Variants in MECOM observed in about 807,000 individuals in gnomAD.
MECOM encodes the protein MDS1 and EVI1 complex locus, also known as histone-lysine N-methyltransferase MECOM.
A neutral mutation model predicts 116.3 loss-of-function variants in MECOM; 13 were observed. The ratio of observed to expected loss-of-function variants is 0.11; its 90% CI spans 0.07 to 0.18. The LOEUF (loss-of-function observed/expected upper bound fraction) is 0.18, where lower values mean the gene tolerates loss of function less well. Among genes scored for constraint, MECOM ranks in the 10% least tolerant of loss-of-function variants. MECOM has a pLI of 1.00. For synonymous variants in MECOM, 528 were observed against 535.2 expected, an observed-to-expected ratio of 0.99 and a Z score of 0.19; for missense variants, 1,299 against 1,509.0, an observed-to-expected ratio of 0.86 and a Z score of 2.31.
At chr3:169,140,236 C>A (rs886747903) in intron 3 of MECOM, among the ~76,000 whole-genome samples, 1 of 152,024 alleles carries the variant, frequency 6.6e-6, no homozygotes, top group African/African-American at 2.4e-5. Context: ...AATATTTAAG[C>A]ATTGTCTGTC....
intron 7 of MECOM, among the ~76,000 whole-genome samples, chr3:169,119,835 T>C (rs1399884838): frequency 6.6e-6 from 1 of 152,144 alleles, no homozygotes; most frequent in African/African-American, 2.4e-5. Context: ...CCAAGGGAGA[T>C]GAGAGCACCC....
chr3:169,618,582 A>G (rs1770304451), intron 1 of MECOM, among the ~76,000 whole-genome samples: 2 of 150,986 alleles, frequency 1.3e-5, no homozygotes, highest in South Asian at 4.2e-4. Context: ...GCTTGAACCC[A>G]GGAGACGGAG....
intron 1 of MECOM, among the ~76,000 whole-genome samples, chr3:169,541,923 C>T (rs934682782): frequency 2.0e-5 from 3 of 152,120 alleles, no homozygotes; most frequent in African/African-American, 4.8e-5. Flanking sequence ...GACAAACCCA[C>T]GGTATTTACA....
At chr3:169,612,090 C>T (rs1219746886) in intron 1 of MECOM, among the ~76,000 whole-genome samples, 1 of 152,136 alleles carries the variant, frequency 6.6e-6, no homozygotes, top group African/African-American at 2.4e-5. Context: ...CCAGATATTA[C>T]TAAATGTCCC....
chr3:169,296,045 A>C (rs1004745096), intron 2 of MECOM, among the ~76,000 whole-genome samples: 7 of 152,136 alleles, frequency 4.6e-5, no homozygotes, highest in African/African-American at 1.7e-4. Context: ...CACCTTTAGC[A>C]CTCAAGAATA....
chr3:169,642,417 A>C (rs1773606825), intron 1 of MECOM, among the ~76,000 whole-genome samples: 1 of 150,848 alleles, frequency 6.6e-6, no homozygotes, highest in African/African-American at 2.4e-5. Flanking sequence ...ACTGCCCTCC[A>C]GCCCGGGCAA....
rs115280256 is a variant in MECOM at position 169,334,252 on chromosome 3, C to T, written c.375+46935G>A. Among the ~76,000 whole-genome samples, 596 of 152,198 alleles carry T rather than the reference C, an allele frequency of 3.9e-3. 3 individuals carry two copies. Among genetic ancestry groups the T allele is most frequent in the African/African-American group, 0.014 (575 of 41,542 alleles). On this transcript the variant is annotated intron_variant, in intron 2 of 16. Coordinates refer to ENST00000651503, the MANE Select transcript of MECOM (RefSeq NM_004991.4). The stretch of plus-strand genomic sequence containing the variant: ...TATCATTGTTCTGGAATCAATTCTG[C>T]TGCTCAAAAGGAAATTGTACAGAAA...
At chr3:169,192,857 C>A (rs998693248) in intron 2 of MECOM, among the ~76,000 whole-genome samples, 7 of 152,022 alleles carry the variant, frequency 4.6e-5, no homozygotes, top group Admixed American at 1.3e-4. Context: ...TCACACAAAA[C>A]ATAGAAGTGA....
chr3:169,306,566 C>T (rs1390033337), intron 2 of MECOM, among the ~76,000 whole-genome samples: 1 of 152,132 alleles, frequency 6.6e-6, no homozygotes, highest in Admixed American at 6.5e-5. Context: ...CCTGTAATCC[C>T]AGCTACTCAA....
intron 2 of MECOM, among the ~76,000 whole-genome samples, chr3:169,338,022 G>T (rs532930465): frequency 6.6e-6 from 1 of 152,274 alleles, no homozygotes; most frequent in African/African-American, 2.4e-5. Context: ...GAATTCATAA[G>T]TGCTGCATAT....
intron 1 of MECOM, among the ~76,000 whole-genome samples, chr3:169,551,203 TC>T (rs1289558902): frequency 6.6e-6 from 1 of 152,190 alleles, no homozygotes; most frequent in Non-Finnish European, 1.5e-5. Context: ...AGTCTCTTGA[TC>T]CTGTATATCC....
At chr3:169,413,477 TG>T (rs1737931764) in intron 1 of MECOM, among the ~76,000 whole-genome samples, 2 of 112,226 alleles carry the variant, frequency 1.8e-5, no homozygotes, top group East Asian at 2.5e-4. Context: ...GTTTTTTTTT[TG>T]TTTTTTTTTT....
intron 2 of MECOM, among the ~76,000 whole-genome samples, chr3:169,179,405 T>A (rs1745640802): frequency 6.6e-6 from 1 of 152,182 alleles, no homozygotes; most frequent in African/African-American, 2.4e-5. Context: ...TAAGATTTGC[T>A]GTGATGTGTG....
At chr3:169,511,420 C>A (rs982594737) in intron 1 of MECOM, among the ~76,000 whole-genome samples, 5 of 152,146 alleles carry the variant, frequency 3.3e-5, no homozygotes, top group African/African-American at 1.2e-4. Flanking sequence ...AATTCTCTCC[C>A]CCTAATCTAG....
intron 2 of MECOM, among the ~76,000 whole-genome samples, chr3:169,364,796 A>G (rs544236856): frequency 2.0e-5 from 3 of 152,110 alleles, no homozygotes; most frequent in South Asian, 4.1e-4. Flanking sequence ...AAACAGATCT[A>G]TCTTACTTAC....
chr3:169,100,375 A>C (rs1723181641), intron 12 of MECOM, among the ~76,000 whole-genome samples: 1 of 152,040 alleles, frequency 6.6e-6, no homozygotes, highest in African/African-American at 2.4e-5. Context: ...TCGGGATTAC[A>C]AGCGTCAGCC....
At chr3:169,199,013 T>C (rs978097497) in intron 2 of MECOM, among the ~76,000 whole-genome samples, 1 of 152,054 alleles carries the variant, frequency 6.6e-6, no homozygotes, top group African/African-American at 2.4e-5. Flanking sequence ...GAGTTATTCA[T>C]TTGTTTACTG....
chr3:169,462,755 G>T (rs1284673235), intron 1 of MECOM, among the ~76,000 whole-genome samples: 2 of 152,098 alleles, frequency 1.3e-5, no homozygotes, highest in African/African-American at 2.4e-5. Flanking sequence ...ATACTGTAAA[G>T]GTAGTCTTTA....
intron 1 of MECOM, among the ~76,000 whole-genome samples, chr3:169,423,337 G>A (rs1365984557): frequency 6.8e-6 from 1 of 146,804 alleles, no homozygotes; most frequent in African/African-American, 2.5e-5. Context: ...ACCTCTCTTG[G>A]TTTCAAGGAA....
Sources: gnomAD v4.1 joint callset for allele counts (sites outside exome capture counted in the v4.1 genomes callset) on GRCh38, gnomAD v4.1.1 for gene constraint, MANE v1.5 for transcripts, NCBI Gene and HGNC (gene_info 2026-07-23, HGNC 2026-07-21) for gene names.